Variants in NOTCH1 observed in about 807,000 individuals in gnomAD.
NOTCH1 encodes the protein neurogenic locus notch homolog protein 1.
In NOTCH1, 37 loss-of-function variants were observed where a neutral mutation model predicts 254.8. The ratio of observed to expected loss-of-function variants is 0.15; its 90% CI spans 0.11 to 0.19. NOTCH1 has a LOEUF of 0.19. Among genes scored for constraint, NOTCH1 ranks in the 10% least tolerant of loss-of-function variants. NOTCH1 has a pLI of 1.00. For missense variants in NOTCH1, 2,972 were observed against 3,708.6 expected (o/e 0.80, Z 5.16); for synonymous variants, 1,731 against 1,618.1 (o/e 1.07, Z -1.68).
intron 2 of NOTCH1, among the ~76,000 whole-genome samples, chr9:136,531,511 G>A (rs1054127362): frequency 6.6e-6 from 1 of 152,230 alleles, no homozygotes. Flanking sequence ...GGACCGGGAA[G>A]TCTGGAGCAG....
rs1388151941 is a variant in NOTCH1 at position 136,496,037 on chromosome 9, G to A, written c.*34C>T. 1 of 1,581,670 alleles carries A rather than the reference G, an allele frequency of 6.3e-7. No individual in the cohort carries two copies. The highest frequency in any genetic ancestry group is 1.8e-5 in the Admixed American group (1 of 56,402). ...GCGCACACAGACGCCCGAAGGCTTG[G>A]GAAAGGAAGCCGGGGTCTCGTGGGG... On this transcript the variant is annotated 3_prime_UTR_variant, in exon 34 of 34. Coordinates refer to ENST00000651671, the MANE Select transcript of NOTCH1 (RefSeq NM_017617.5).
At chr9:136,504,049 C>T (rs998434721) in intron 26 of NOTCH1, among the ~76,000 whole-genome samples, 1 of 152,158 alleles carries the variant, frequency 6.6e-6, no homozygotes, top group Non-Finnish European at 1.5e-5. Context: ...CTGCAAGGCC[C>T]AGCAATGCCC....
intron 26 of NOTCH1, among the ~76,000 whole-genome samples, chr9:136,503,733 G>A (rs1434598026): frequency 1.3e-5 from 2 of 152,186 alleles, no homozygotes; most frequent in African/African-American, 2.4e-5. Context: ...GCGGTGGTGG[G>A]CTGTGTGGTG....
chr9:136,526,948 C>T (rs1430583957), intron 2 of NOTCH1, among the ~76,000 whole-genome samples: 3 of 152,180 alleles, frequency 2.0e-5, no homozygotes, highest in African/African-American at 7.2e-5. Context: ...CCATTGTCCG[C>T]CCCCACTCCC....
At chr9:136,531,750 G>A (rs1171552368) in intron 2 of NOTCH1, among the ~76,000 whole-genome samples, 5 of 152,210 alleles carry the variant, frequency 3.3e-5, no homozygotes, top group East Asian at 1.9e-4. Context: ...GGGGGCAGAC[G>A]CCGCCCTCCT....
chr9:136,516,942 C>T (rs899857168), intron 9 of NOTCH1, among the ~76,000 whole-genome samples: 2 of 151,396 alleles, frequency 1.3e-5, no homozygotes, highest in African/African-American at 4.8e-5. Context: ...TGCAGACGGC[C>T]CAGGGGCAGG....
At position 136,495,107 on chromosome 9, in the gene NOTCH1, G is replaced by A; in HGVS notation, c.*964C>T. The A allele has an allele frequency of 2.5e-6, 1 of 399,096 alleles. No homozygotes were observed. Among genetic ancestry groups the A allele is most frequent in the Non-Finnish European group, 4.4e-6 (1 of 226,100 alleles). 24.7% of individuals were successfully genotyped at this position (399,096 alleles called of 1,614,324 possible). A position where few individuals can be genotyped will look rare whatever the true frequency, so the allele number is the denominator to read the frequency against. The stretch of plus-strand genomic sequence containing the variant: ...CTGGAGCATCTTCTTCGGAACCTGG[G>A]GGACACTGTGCAGGCTGAGGTGCTG... On this transcript the variant is annotated 3_prime_UTR_variant, in exon 34 of 34. Transcript: ENST00000651671.
chr9:136,522,611 G>T, intron 4 of NOTCH1: 1 of 522,662 alleles, frequency 1.9e-6, no homozygotes. Context: ...TGAGTTCCGG[G>T]AAACTCCAGA....
In NOTCH1 at chr9:136,545,313, G is replaced by A. The variant is rs1409263620; in HGVS notation, c.61+413C>T. 1.3e-5 allele frequency among the ~76,000 whole-genome samples: 2 copies of A among 149,050 alleles called. No homozygotes were observed. The highest frequency in any genetic ancestry group is 2.5e-5 in the African/African-American group (1 of 40,798). ...CGCCCCGGCGTGGGCCAGAGGCGAA[G>A]AAGAAAGAAGATAAATGGCCCGGAG... On this transcript the variant is annotated intron_variant, in intron 1 of 33. Coordinates refer to ENST00000651671, the MANE Select transcript of NOTCH1 (RefSeq NM_017617.5). This position sits in a 1 kb window ranked among gnomAD's most constrained non-coding sequence, Gnocchi z 6.8.
At position 136,494,880 on chromosome 9, in the gene NOTCH1, G is replaced by A. The variant is rs1265648797; in HGVS notation, c.*1191C>T. On this transcript the variant is annotated 3_prime_UTR_variant, in exon 34 of 34. Transcript: ENST00000651671. ...GCAAAAATCTGCTCCTCCCAAACTA[G>A]GAGGGGTGGCCCAAGGGCAGCCCCC... 5 of 398,518 alleles carry A rather than the reference G, an allele frequency of 1.3e-5. No individual in the cohort carries two copies. Among genetic ancestry groups the A allele is most frequent in the Non-Finnish European group, 2.2e-5 (5 of 225,972 alleles). The allele number at this position is 398,518 out of a possible 1,614,324, so 24.7% of individuals were successfully genotyped here. A position where few individuals can be genotyped will look rare whatever the true frequency, so the allele number is the denominator to read the frequency against.
chr9:136,522,262 C>A (rs1044325720), intron 4 of NOTCH1, among the ~76,000 whole-genome samples: 5 of 152,222 alleles, frequency 3.3e-5, no homozygotes, highest in Non-Finnish European at 7.3e-5. Context: ...CAGGCGTGAG[C>A]CACCACGCGC....
At position 136,530,409 on chromosome 9, in the gene NOTCH1, G is replaced by A. The variant is rs117670131; in HGVS notation, c.141-6430C>T. ...CCGGGAAGCTACCTTTCCCGCAGCCGGGAAAACAATGCCCTCACCCGACAT... is the reference window on the plus strand; with the variant it reads ...CCGGGAAGCTACCTTTCCCGCAGCCAGGAAAACAATGCCCTCACCCGACAT... On this transcript the variant is annotated intron_variant, in intron 2 of 33. Transcript: ENST00000651671. Among the ~76,000 whole-genome samples, 15 of 152,308 alleles carry A rather than the reference G, an allele frequency of 9.8e-5. No individual in the cohort carries two copies. In the East Asian group the frequency reaches 1.2e-3, roughly 12 times the overall value.
At chr9:136,519,686 C>G (rs936580306) in intron 4 of NOTCH1, 121 bp from the exon 5 acceptor site, 1 of 1,475,678 alleles carries the variant, frequency 6.8e-7, no homozygotes, top group East Asian at 2.3e-5. Context: ...CTGGGGCCCC[C>G]GGGGTCTGTG....
chr9:136,532,709 T>C (rs939009104), intron 2 of NOTCH1, among the ~76,000 whole-genome samples: 4 of 152,210 alleles, frequency 2.6e-5, no homozygotes, highest in Non-Finnish European at 5.9e-5. Flanking sequence ...GGACACTTCA[T>C]GGCCCCAGCC....
chr9:136,497,144 G>T lies in NOTCH1; in HGVS notation c.6595C>A (p.Pro2199Thr). ...TGGGGTGACTCCAGGGAGTCCACGG[G>T]CGAGAGCATGCCGGAGCTGTCCAGC... Reference protein sequence around the residue: ...CLLDSSGMLSPVDSLESPHGY... With the variant: ...CLLDSSGMLSTVDSLESPHGY... The change falls in exon 34 of 34, where the codon CCC becomes ACC. Residue 2199 changes from proline (P) to threonine (T), a missense_variant. Physicochemically the swap from Pro to Thr is conservative, Grantham distance 38 (BLOSUM62 -1). This residue lies in a region of NOTCH1 where 529 missense variants were observed against 529.2 expected (regional missense o/e 1.00). Coordinates refer to ENST00000651671, the MANE Select transcript of NOTCH1 (RefSeq NM_017617.5). 1.2e-6 allele frequency: 2 copies of T among 1,612,700 alleles called. No individual in the cohort carries two copies. The highest frequency in any genetic ancestry group is 1.7e-6 in the Non-Finnish European group (2 of 1,179,944).
intron 19 of NOTCH1, 41 bp downstream of exon 19, chr9:136,508,829 A>T: frequency 6.6e-7 from 1 of 1,518,104 alleles, no homozygotes; most frequent in Non-Finnish European, 8.9e-7. Context: ...GCACCCACCC[A>T]GGGCCCCTCC....
chr9:136,536,539 T>C (rs957414351), intron 2 of NOTCH1, among the ~76,000 whole-genome samples: 6 of 152,140 alleles, frequency 3.9e-5, no homozygotes, highest in Non-Finnish European at 8.8e-5. Context: ...GCCCGCCCCA[T>C]GGATGTGTCC....
chr9:136,534,664 A>G (rs1843614188), intron 2 of NOTCH1, among the ~76,000 whole-genome samples: 2 of 152,044 alleles, frequency 1.3e-5, no homozygotes, highest in African/African-American at 4.8e-5. Flanking sequence ...TCCGGGCAGC[A>G]TCTGGGCCTG....
chr9:136,531,228 A>G (rs1843553567), intron 2 of NOTCH1, among the ~76,000 whole-genome samples: 1 of 152,190 alleles, frequency 6.6e-6, no homozygotes. Context: ...GCTCTGTCTC[A>G]TGGGACCCCC....
Sources: gnomAD v4.1 joint callset for allele counts (sites outside exome capture counted in the v4.1 genomes callset) on GRCh38, gnomAD v4.1.1 for gene constraint, gnomAD v4.1.1 regional missense constraint, Gnocchi (gnomAD v3.1) non-coding constraint, MANE v1.5 for transcripts, NCBI Gene and HGNC (gene_info 2026-07-23, HGNC 2026-07-21) for gene names.